GSTA4: variants seen among roughly 807,000 people sequenced by gnomAD.
The protein encoded by GSTA4 is glutathione S-transferase alpha 4.
In GSTA4, 15 loss-of-function variants were observed where a neutral mutation model predicts 24.4. The observed-to-expected ratio is 0.61, with a 90% confidence interval of 0.41 to 0.95. GSTA4 has a LOEUF of 0.95. Ranked by LOEUF, GSTA4 falls within the 40% of genes least tolerant of loss-of-function variation. The pLI, the probability that GSTA4 is intolerant of heterozygous loss-of-function variation, is 0.00. For synonymous variants in GSTA4, 92 were observed against 94.2 expected, an observed-to-expected ratio of 0.98 and a Z score of 0.13; for missense variants, 244 against 262.1, an observed-to-expected ratio of 0.93 and a Z score of 0.48.
At chr6:52,992,760 G>C (rs1216650761) in intron 2 of GSTA4, among the ~76,000 whole-genome samples, 1 of 152,160 alleles carries the variant, frequency 6.6e-6, no homozygotes, top group Non-Finnish European at 1.5e-5. Flanking sequence ...GGCAACTATG[G>C]AAACAGGATG....
chr6:52,989,548 T>G (rs1389212400), intron 2 of GSTA4, among the ~76,000 whole-genome samples: 1 of 152,148 alleles, frequency 6.6e-6, no homozygotes, highest in Admixed American at 6.5e-5. Context: ...AACATTCAAC[T>G]TGGAGGGGTG....
rs754376851 is a variant in GSTA4 at position 52,994,146 on chromosome 6, A to G, written c.87+11T>C. On this transcript the variant is annotated intron_variant, in intron 2 of 6. Transcript: ENST00000370963. ...TATGACAAATCCGTGAAGAAACAGC[A>G]TATAAGGTACCTCGACTCCGGCGGC... is the stretch of plus-strand genomic sequence containing the variant. 4 of 1,562,564 alleles carry G rather than the reference A, an allele frequency of 2.6e-6. No individual in the cohort carries two copies. In the East Asian group the frequency reaches 9.0e-5, roughly 35 times the overall value.
chr6:52,982,692 T>C lies in GSTA4; in HGVS notation c.428A>G (p.His143Arg). 1 of 1,612,596 alleles carries C rather than the reference T, an allele frequency of 6.2e-7. No homozygotes were observed. The highest frequency in any genetic ancestry group is 8.5e-7 in the Non-Finnish European group (1 of 1,178,788). Residue 143 changes from histidine (H) to arginine (R), a missense_variant, in exon 6 of 7, where the codon CAC (histidine) becomes CGC (arginine). His to Arg is a conservative substitution (Grantham distance 29, BLOSUM62 0). Transcript: ENST00000370963. ...FPVFEKILRGHGQSFLVGNQL... is the reference protein window; with the variant it reads ...FPVFEKILRGRGQSFLVGNQL... ...ATTACCAACAAGAAAGCTTTGTCCG[T>C]GACCCCTTAAAATCTGTAGGGAAAT...
chr6:52,990,180 T>C (rs1017561365), intron 2 of GSTA4, among the ~76,000 whole-genome samples: 6 of 152,184 alleles, frequency 3.9e-5, no homozygotes, highest in Non-Finnish European at 7.4e-5. Flanking sequence ...TAGAGCAATG[T>C]CAATGATGAC....
At chr6:52,981,472 A>G (rs1425179738) in intron 6 of GSTA4, among the ~76,000 whole-genome samples, 1 of 152,216 alleles carries the variant, frequency 6.6e-6, no homozygotes, top group Non-Finnish European at 1.5e-5. Context: ...CTGTAGAAAA[A>G]CAAAAGTAAC....
At position 52,985,485 on chromosome 6, in the gene GSTA4, T is replaced by G. The variant is rs1027549912; in HGVS notation, c.238A>C (p.Asn80His). ...TCCTTGAGGTTCTTGCCAAAGAGAT[T>G]GTGCTTGTCTGCTATGTAGTGGAGA... ...SILHYIADKH[N>H]LFGKNLKERT... Residue 80 changes from asparagine (N) to histidine (H), a missense_variant, in exon 4 of 7, where the codon AAT (asparagine) becomes CAT (histidine). Transcript: ENST00000370963. 19 of 1,614,006 alleles carry G rather than the reference T, an allele frequency of 1.2e-5. No individual in the cohort carries two copies. Among genetic ancestry groups the G allele is most frequent in the Non-Finnish European group, 1.6e-5 (19 of 1,179,968 alleles).
At chr6:52,982,425 T>C in intron 6 of GSTA4, 149 bp downstream of exon 6, 2 of 546,400 alleles carry the variant, frequency 3.7e-6, no homozygotes, top group Non-Finnish European at 6.2e-6. Context: ...TAACTTTGGG[T>C]CCTTACTTTC....
intron 2 of GSTA4, among the ~76,000 whole-genome samples, chr6:52,992,779 TA>T (rs1296554551): frequency 6.6e-6 from 1 of 152,140 alleles, no homozygotes; most frequent in East Asian, 1.9e-4. Context: ...TGAATAAATA[TA>T]ATGTTGGATC....
intron 3 of GSTA4, among the ~76,000 whole-genome samples, chr6:52,986,005 C>T (rs1239386581): frequency 2.0e-5 from 3 of 151,894 alleles, no homozygotes; most frequent in Non-Finnish European, 2.9e-5. Flanking sequence ...GAGCCAAGAT[C>T]GCGCCATTGC....
In GSTA4 at chr6:52,984,461, T is replaced by C; in HGVS notation, c.414+3A>G. The stretch of plus-strand genomic sequence containing the variant: ...TGTGTATGTAGGCATCTCTGCCACC[T>C]ACCTTTTCAAACACAGGAAAGTATC... On this transcript the variant is annotated splice_donor_region_variant and intron_variant, in intron 5 of 6. Transcript: ENST00000370963. 6.2e-7 allele frequency: 1 copy of C among 1,611,090 alleles called. No homozygotes were observed. The highest frequency in any genetic ancestry group is 1.3e-5 in the African/African-American group (1 of 74,910).
At chr6:52,986,008 G>A (rs1002347509) in intron 3 of GSTA4, among the ~76,000 whole-genome samples, 5 of 151,954 alleles carry the variant, frequency 3.3e-5, no homozygotes, top group East Asian at 3.9e-4. Context: ...CCAAGATCGC[G>A]CCATTGCACG....
At position 52,978,277 on chromosome 6, in the gene GSTA4, C is replaced by T. The variant is rs45613236; in HGVS notation, c.*193G>A. Reference sequence around the variant, plus strand: ...CCAAAAAAGTTTTCCAATAAAGATCCCCTAACAATTATTTACTGGACAAAA... The same window carrying T: ...CCAAAAAAGTTTTCCAATAAAGATCTCCTAACAATTATTTACTGGACAAAA... On this transcript the variant is annotated 3_prime_UTR_variant, in exon 7 of 7. Coordinates refer to ENST00000370963, the MANE Select transcript of GSTA4 (RefSeq NM_001512.4). 278 of 562,564 alleles carry T rather than the reference C, an allele frequency of 4.9e-4. 1 individual carries two copies. The African/African-American group carries it at 5.1e-3, about 10-fold the overall frequency. The allele number at this position is 562,564 out of a possible 1,614,324, so 34.8% of individuals were successfully genotyped here. A position where few individuals can be genotyped will look rare whatever the true frequency, so the allele number is the denominator to read the frequency against.
intron 6 of GSTA4, among the ~76,000 whole-genome samples, chr6:52,980,595 C>T (rs492825): frequency 0.51 from 77,849 of 151,724 alleles, 20,297 homozygotes; most frequent in East Asian, 0.74. Context: ...TGAGCCACTG[C>T]GCCCGGCCTA....
intron 6 of GSTA4, 134 bp from the exon 7 acceptor site, chr6:52,978,726 T>C (rs543613): frequency 0.93 from 551,887 of 595,162 alleles, 256,133 homozygotes; most frequent in East Asian, 1. Context: ...GAAATGAAAT[T>C]TAGCATTTGT....
At chr6:52,983,807 A>G (rs1200317967) in intron 5 of GSTA4, among the ~76,000 whole-genome samples, 1 of 152,152 alleles carries the variant, frequency 6.6e-6, no homozygotes, top group African/African-American at 2.4e-5. Flanking sequence ...TAGCTACAGA[A>G]ACCCCAGAAA....
chr6:52,994,313 T>A, intron 1 of GSTA4, 52 bp from the exon 2 acceptor site: 1 of 959,874 alleles, frequency 1.0e-6, no homozygotes, highest in Non-Finnish European at 1.7e-6. Flanking sequence ...CAATTTCGCG[T>A]CTTCAACCCA....
intron 2 of GSTA4, among the ~76,000 whole-genome samples, chr6:52,991,158 A>C (rs1203930520): frequency 6.6e-6 from 1 of 152,234 alleles, no homozygotes; most frequent in African/African-American, 2.4e-5. Flanking sequence ...TCAAGCATTT[A>C]CCTCGCCTTT....
chr6:52,986,970 G>A (rs767187625), intron 3 of GSTA4, among the ~76,000 whole-genome samples: 1 of 152,128 alleles, frequency 6.6e-6, no homozygotes, highest in Non-Finnish European at 1.5e-5. Flanking sequence ...TGTAAATGGG[G>A]ATATTTATTT....
intron 2 of GSTA4, among the ~76,000 whole-genome samples, chr6:52,992,229 A>G (rs925320065): frequency 2.0e-5 from 3 of 152,254 alleles, no homozygotes; most frequent in African/African-American, 4.8e-5. Flanking sequence ...GCTAAAGCTG[A>G]AACAATTTAG....
Sources: gnomAD v4.1 joint callset for allele counts (sites outside exome capture counted in the v4.1 genomes callset) on GRCh38, gnomAD v4.1.1 for gene constraint, MANE v1.5 for transcripts, NCBI Gene and HGNC (gene_info 2026-07-23, HGNC 2026-07-21) for gene names.